Variants in RAB38 observed in about 807,000 individuals in gnomAD.
RAB38 encodes the protein ras-related protein Rab-38.
Under a neutral mutation model 18.4 loss-of-function variants are expected in RAB38, and 15 were observed. That is an observed-to-expected ratio of 0.82 (90% CI 0.55 to 1.26). The LOEUF (loss-of-function observed/expected upper bound fraction) is 1.26, where lower values mean the gene tolerates loss of function less well. RAB38 is among the 50% of genes most tolerant of loss of function. RAB38 has a pLI of 0.00. For missense variants in RAB38, 294 were observed against 267.4 expected (o/e 1.10, Z -0.69); for synonymous variants, 101 against 104.4 (o/e 0.97, Z 0.20).
At chr11:87,917,459 A>G in the RAB38 span, among the ~76,000 whole-genome samples, 9 of 149,088 alleles carry the variant, frequency 6.0e-5, no homozygotes, top group African/African-American at 2.0e-4. Context: ...GTGATACATT[A>G]TTATTGACTA....
chr11:87,977,962 T>A, the RAB38 span, among the ~76,000 whole-genome samples: 1 of 113,052 alleles, frequency 8.8e-6, no homozygotes, highest in East Asian at 2.6e-4. Flanking sequence ...AATATATAAA[T>A]AAGATATATT....
At chr11:87,922,704 A>AT in the RAB38 span, among the ~76,000 whole-genome samples, 1 of 152,030 alleles carries the variant, frequency 6.6e-6, no homozygotes, top group Admixed American at 6.6e-5. Context: ...GTAGTTATTT[A>AT]TTTTTTTATG....
At chr11:87,922,519 T>C in the RAB38 span, among the ~76,000 whole-genome samples, 90 of 152,052 alleles carry the variant, frequency 5.9e-4, no homozygotes, top group East Asian at 0.015. Context: ...GTCATATTCA[T>C]ATTTGACAAG....
the RAB38 span, among the ~76,000 whole-genome samples, chr11:88,084,428 A>G: frequency 1.3e-5 from 2 of 151,786 alleles, no homozygotes; most frequent in African/African-American, 4.8e-5. Flanking sequence ...GGGAGATAAA[A>G]TCATCCTGAA....
the RAB38 span, among the ~76,000 whole-genome samples, chr11:88,013,940 T>C: frequency 6.6e-6 from 1 of 152,018 alleles, no homozygotes; most frequent in Non-Finnish European, 1.5e-5. Context: ...AATACCAGAA[T>C]AGCAGCAGCA....
At chr11:88,056,832 A>AATAAATACATACATAC in the RAB38 span, among the ~76,000 whole-genome samples, 30 of 45,560 alleles carry the variant, frequency 6.6e-4, no homozygotes, top group African/African-American at 1.2e-3. Context: ...TAAATAAATA[A>AATAAATACATACATAC]ATACATACAT....
At chr11:88,052,439 A>C in the RAB38 span, among the ~76,000 whole-genome samples, 7 of 152,132 alleles carry the variant, frequency 4.6e-5, 1 homozygote, top group African/African-American at 1.7e-4. Flanking sequence ...TATGAAATTT[A>C]ATGTATGCAT....
the RAB38 span, among the ~76,000 whole-genome samples, chr11:87,951,460 GA>G: frequency 6.6e-6 from 1 of 152,092 alleles, no homozygotes; most frequent in South Asian, 2.1e-4. Flanking sequence ...TTTGGAGGAG[GA>G]GAGGCGCTCT....
At chr11:87,930,681 G>A in the RAB38 span, among the ~76,000 whole-genome samples, 2 of 152,122 alleles carry the variant, frequency 1.3e-5, no homozygotes, top group Admixed American at 1.3e-4. Flanking sequence ...TTTTCTTCTA[G>A]GGTTTTAATG....
chr11:88,016,612 G>C, the RAB38 span, among the ~76,000 whole-genome samples: 1 of 151,926 alleles, frequency 6.6e-6, no homozygotes, highest in African/African-American at 2.4e-5. Flanking sequence ...ATGCCACAAG[G>C]GGGAGCACTA....
At chr11:87,808,005 G>A in the RAB38 span, among the ~76,000 whole-genome samples, 1 of 152,180 alleles carries the variant, frequency 6.6e-6, no homozygotes, top group Non-Finnish European at 1.5e-5. Context: ...GGAACTGTGT[G>A]TTGCAGAGTC....
chr11:87,814,844 C>A, the RAB38 span, among the ~76,000 whole-genome samples: 1 of 152,046 alleles, frequency 6.6e-6, no homozygotes, highest in African/African-American at 2.4e-5. Context: ...CGCCATTCTC[C>A]TGCCTCAGCC....
chr11:88,100,825 G>A, the RAB38 span, among the ~76,000 whole-genome samples: 8 of 151,970 alleles, frequency 5.3e-5, 1 homozygote, highest in South Asian at 1.5e-3. Context: ...GGAGCCTGTA[G>A]GTTATAATTT....
chr11:88,133,723 T>C (rs1355981433), intron 2 of RAB38, among the ~76,000 whole-genome samples: 1 of 152,202 alleles, frequency 6.6e-6, no homozygotes, highest in Non-Finnish European at 1.5e-5. Context: ...CAATGATGTA[T>C]AATCTGACTT....
downstream of RAB38, among the ~76,000 whole-genome samples, chr11:88,110,606 C>A (rs1372514369): frequency 6.6e-6 from 1 of 151,952 alleles, no homozygotes; most frequent in Non-Finnish European, 1.5e-5. Context: ...ATTATGAGGT[C>A]AGGAGTTCGA....
the RAB38 span, among the ~76,000 whole-genome samples, chr11:87,913,727 G>A: frequency 1.6e-4 from 24 of 152,078 alleles, no homozygotes; most frequent in Non-Finnish European, 2.9e-5. Flanking sequence ...TGGGACTGAC[G>A]CTTTGAGAGC....
chr11:88,043,602 A>AC, the RAB38 span, among the ~76,000 whole-genome samples: 55,338 of 114,012 alleles, frequency 0.49, 12,615 homozygotes, highest in Non-Finnish European at 0.58. Flanking sequence ...GCACCTTGTG[A>AC]CCCCCCCACC....
At chr11:88,098,149 T>C in the RAB38 span, 1 of 151,968 alleles carries the variant, frequency 6.6e-6, no homozygotes, top group South Asian at 2.1e-4. Flanking sequence ...TCCTGGTTTC[T>C]TGTCAGAAAT....
At chr11:88,077,594 T>G in the RAB38 span, among the ~76,000 whole-genome samples, 1 of 152,238 alleles carries the variant, frequency 6.6e-6, no homozygotes, top group East Asian at 1.9e-4. Context: ...AAACTGGATA[T>G]GCAGAAGAAT....
Sources: gnomAD v4.1 joint callset for allele counts (sites outside exome capture counted in the v4.1 genomes callset) on GRCh38, gnomAD v4.1.1 for gene constraint, MANE v1.5 for transcripts, NCBI Gene and HGNC (gene_info 2026-07-23, HGNC 2026-07-21) for gene names.